Variants in DLGAP1 observed in about 807,000 individuals in gnomAD.
The protein encoded by DLGAP1 is disks large-associated protein 1.
Under a neutral mutation model 90.8 loss-of-function variants are expected in DLGAP1, and 11 were observed. The observed-to-expected ratio is 0.12, with a 90% CI of 0.08 to 0.20. DLGAP1 has a LOEUF of 0.20. Ranked by LOEUF, DLGAP1 falls within the 10% of genes least tolerant of loss-of-function variation. The pLI, the probability that DLGAP1 is intolerant of heterozygous loss-of-function variation, is 1.00. For synonymous variants in DLGAP1, 558 were observed against 540.7 expected (o/e 1.03, Z -0.44); for missense variants, 1,050 against 1,333.8 (o/e 0.79, Z 3.31).
intron 7 of DLGAP1, among the ~76,000 whole-genome samples, chr18:3,682,580 G>T (rs34049781): frequency 6.6e-6 from 1 of 152,088 alleles, no homozygotes; most frequent in Non-Finnish European, 1.5e-5. Context: ...GAGTCAGAAG[G>T]CCTAGATTCA....
At chr18:4,236,496 T>C (rs918858600) in intron 1 of DLGAP1, among the ~76,000 whole-genome samples, 2 of 152,190 alleles carry the variant, frequency 1.3e-5, no homozygotes, top group African/African-American at 4.8e-5. Flanking sequence ...TAGGAATTTG[T>C]TCACTTATGT....
chr18:3,730,421 T>A (rs952512639), intron 6 of DLGAP1, among the ~76,000 whole-genome samples: 1 of 152,208 alleles, frequency 6.6e-6, no homozygotes, highest in Non-Finnish European at 1.5e-5. Flanking sequence ...CTCCTGTATA[T>A]AACTTACATT....
chr18:4,231,830 G>A (rs866220628), intron 1 of DLGAP1, among the ~76,000 whole-genome samples: 2 of 152,228 alleles, frequency 1.3e-5, no homozygotes, highest in Middle Eastern at 3.4e-3. Context: ...AATATTCATA[G>A]AGAAGAAATG....
At chr18:4,226,068 C>T (rs1370087245) in intron 1 of DLGAP1, among the ~76,000 whole-genome samples, 1 of 152,082 alleles carries the variant, frequency 6.6e-6, no homozygotes, top group Non-Finnish European at 1.5e-5. Context: ...AAATAACATA[C>T]AATGAAACTC....
intron 3 of DLGAP1, among the ~76,000 whole-genome samples, chr18:3,952,326 A>G (rs2073002748): frequency 6.6e-6 from 1 of 152,200 alleles, no homozygotes. Flanking sequence ...AGGATGTGTC[A>G]TATAATGGTA....
intron 2 of DLGAP1, among the ~76,000 whole-genome samples, chr18:4,101,679 A>T (rs909732692): frequency 6.6e-6 from 1 of 152,082 alleles, no homozygotes; most frequent in Non-Finnish European, 1.5e-5. Context: ...GCCAACTCTG[A>T]CTTTATTCTA....
At chr18:4,211,866 A>G (rs2077848087) in intron 1 of DLGAP1, among the ~76,000 whole-genome samples, 1 of 152,158 alleles carries the variant, frequency 6.6e-6, no homozygotes, top group Non-Finnish European at 1.5e-5. Context: ...TTTTAGCTTC[A>G]TTCTTCACCC....
intron 4 of DLGAP1, among the ~76,000 whole-genome samples, chr18:3,869,624 G>A (rs2070620502): frequency 6.6e-6 from 1 of 152,214 alleles, no homozygotes; most frequent in East Asian, 1.9e-4. Context: ...TCTGCGTTTA[G>A]TCGGCACACA....
chr18:4,111,789 T>G (rs2144006932), intron 2 of DLGAP1, among the ~76,000 whole-genome samples: 1 of 152,072 alleles, frequency 6.6e-6, no homozygotes, highest in South Asian at 2.1e-4. Context: ...TGCTGTTCAC[T>G]TTTTCATTCC....
At chr18:3,751,238 T>C (rs1445433989) in intron 5 of DLGAP1, among the ~76,000 whole-genome samples, 2 of 152,198 alleles carry the variant, frequency 1.3e-5, no homozygotes, top group Admixed American at 1.3e-4. Flanking sequence ...ATGAAGAGGG[T>C]AACTCAGTTG....
chr18:4,283,012 T>A (rs1259659188), intron 1 of DLGAP1, among the ~76,000 whole-genome samples: 1 of 148,872 alleles, frequency 6.7e-6, no homozygotes, highest in Admixed American at 6.6e-5. Context: ...TGTTTTGACA[T>A]TATGCCGTAT....
chr18:3,751,790 C>G (rs1208651605), intron 5 of DLGAP1, among the ~76,000 whole-genome samples: 1 of 151,662 alleles, frequency 6.6e-6, no homozygotes, highest in East Asian at 1.9e-4. Flanking sequence ...GTCTCAAACT[C>G]CTGACCTCGT....
In DLGAP1 at chr18:3,842,728, T is replaced by C. The variant is rs556302790; in HGVS notation, c.958-28455A>G. ...AAAAAAGCATAGATAGTGGTGCCAT[T>C]TACAGGGGTAGGAAACATGGGGTAG... On this transcript the variant is annotated intron_variant, in intron 4 of 12. Coordinates refer to ENST00000315677, the MANE Select transcript of DLGAP1 (RefSeq NM_004746.4). Among the ~76,000 whole-genome samples the C allele has an allele frequency of 1.2e-4, 18 of 152,230 alleles. No individual in the cohort carries two copies. In the South Asian group the frequency reaches 3.3e-3, roughly 28 times the overall value.
chr18:4,297,372 T>G (rs911136991), intron 1 of DLGAP1, among the ~76,000 whole-genome samples: 2 of 152,138 alleles, frequency 1.3e-5, no homozygotes, highest in Non-Finnish European at 2.9e-5. Context: ...AAAAATTTAT[T>G]GAAATATAAT....
chr18:4,100,052 C>T (rs1013526005), intron 2 of DLGAP1, among the ~76,000 whole-genome samples: 2 of 152,128 alleles, frequency 1.3e-5, no homozygotes, highest in South Asian at 4.1e-4. Flanking sequence ...TGGAGTCTTG[C>T]CATGCTGCCC....
intron 2 of DLGAP1, among the ~76,000 whole-genome samples, chr18:4,146,315 G>A (rs141456640): frequency 2.6e-5 from 4 of 152,206 alleles, no homozygotes; most frequent in African/African-American, 7.2e-5. Flanking sequence ...CAGTCCATTC[G>A]CCACGTTCAC....
chr18:4,096,726 C>A (rs1278835567), intron 2 of DLGAP1, among the ~76,000 whole-genome samples: 1 of 152,160 alleles, frequency 6.6e-6, no homozygotes, highest in Non-Finnish European at 1.5e-5. Context: ...TGACTCACAG[C>A]TATGTTTAAA....
At chr18:3,766,754 A>T (rs896575467) in intron 5 of DLGAP1, among the ~76,000 whole-genome samples, 1 of 152,148 alleles carries the variant, frequency 6.6e-6, no homozygotes, top group Admixed American at 6.5e-5. Flanking sequence ...TAAGGAAAAT[A>T]AACAAATACA....
intron 1 of DLGAP1, among the ~76,000 whole-genome samples, chr18:4,154,864 T>C (rs776458326): frequency 6.6e-6 from 1 of 152,218 alleles, no homozygotes; most frequent in Non-Finnish European, 1.5e-5. Context: ...ATCTATCATA[T>C]GCCAAGCACT....
Sources: gnomAD v4.1 joint callset for allele counts (sites outside exome capture counted in the v4.1 genomes callset) on GRCh38, gnomAD v4.1.1 for gene constraint, MANE v1.5 for transcripts, NCBI Gene and HGNC (gene_info 2026-07-23, HGNC 2026-07-21) for gene names.